CLIC5: variants seen among roughly 807,000 people sequenced by gnomAD.
CLIC5 encodes the protein chloride intracellular channel protein 5.
CLIC5 carries 20 observed loss-of-function variants against 24.7 expected under a neutral mutation model. The ratio of observed to expected loss-of-function variants is 0.81; its 90% CI spans 0.57 to 1.18. The LOEUF (loss-of-function observed/expected upper bound fraction) is 1.18. CLIC5 is among the 50% of genes most tolerant of loss of function. CLIC5 has a pLI of 0.00. For missense variants in CLIC5, 341 were observed against 326.1 expected (o/e 1.05, Z -0.35); for synonymous variants, 159 against 135.6 (o/e 1.17, Z -1.20).
chr6:45,921,904 G>C (rs1763276961), intron 4 of CLIC5, among the ~76,000 whole-genome samples: 1 of 152,236 alleles, frequency 6.6e-6, no homozygotes, highest in Non-Finnish European at 1.5e-5. Context: ...CATAGCCAGA[G>C]AGGAGGATGT....
intron 1 of CLIC5, among the ~76,000 whole-genome samples, chr6:46,031,532 G>A (rs1767497634): frequency 6.6e-6 from 1 of 152,114 alleles, no homozygotes; most frequent in African/African-American, 2.4e-5. Flanking sequence ...TTGTGGGTAA[G>A]TCTGCAATGT....
At chr6:46,015,878 C>T, upstream of CLIC5, 1 of 1,055,074 alleles carries the variant, frequency 9.5e-7, no homozygotes, top group East Asian at 6.8e-5. Flanking sequence ...CCGCCGCCAA[C>T]GCGCCCAAAA....
At chr6:46,072,777 C>T (rs774828212) in intron 1 of CLIC5, among the ~76,000 whole-genome samples, 6 of 152,124 alleles carry the variant, frequency 3.9e-5, no homozygotes, top group Admixed American at 6.5e-5. Context: ...CTACCCCTCC[C>T]ACATGGGCAC....
chr6:45,931,561 C>T (rs1186211085), intron 4 of CLIC5, among the ~76,000 whole-genome samples: 3 of 152,164 alleles, frequency 2.0e-5, no homozygotes, highest in African/African-American at 7.2e-5. Flanking sequence ...TCTTTAACAT[C>T]TGTGAAATCA....
At chr6:45,956,670 TG>T (rs1176527867) in intron 1 of CLIC5, among the ~76,000 whole-genome samples, 1 of 152,178 alleles carries the variant, frequency 6.6e-6, no homozygotes, top group Non-Finnish European at 1.5e-5. Context: ...AGGTTTATAA[TG>T]GAAAACTGGA....
At chr6:46,002,025 T>G (rs578177196) in intron 1 of CLIC5, among the ~76,000 whole-genome samples, 1 of 150,372 alleles carries the variant, frequency 6.7e-6, no homozygotes, top group African/African-American at 2.4e-5. Flanking sequence ...CACCAGGGAG[T>G]AAACTCAATC....
chr6:46,083,009 T>C (rs1393343362), upstream of CLIC5, among the ~76,000 whole-genome samples: 1 of 152,242 alleles, frequency 6.6e-6, no homozygotes, highest in African/African-American at 2.4e-5. Context: ...GAATACGTAT[T>C]TGTTGAATGA....
intron 1 of CLIC5, among the ~76,000 whole-genome samples, chr6:46,024,450 T>C (rs1189951626): frequency 1.3e-5 from 2 of 152,132 alleles, no homozygotes; most frequent in African/African-American, 2.4e-5. Flanking sequence ...GCTGGACTTA[T>C]AAAGAGACTA....
At chr6:45,906,171 G>A (rs750027404) in intron 5 of CLIC5, among the ~76,000 whole-genome samples, 7 of 152,070 alleles carry the variant, frequency 4.6e-5, no homozygotes, top group Admixed American at 6.6e-5. Flanking sequence ...TTCTTTTTGC[G>A]TAGGGTGGCT....
At chr6:45,965,776 T>C (rs75078218) in intron 1 of CLIC5, among the ~76,000 whole-genome samples, 2,438 of 152,332 alleles carry the variant, frequency 0.016, 83 homozygotes, top group African/African-American at 0.056. Flanking sequence ...GTCAAAAGCT[T>C]TGCTTTCCTC....
intron 1 of CLIC5, among the ~76,000 whole-genome samples, chr6:46,039,370 A>G (rs1767744854): frequency 7.1e-6 from 1 of 141,742 alleles, no homozygotes; most frequent in African/African-American, 2.6e-5. Context: ...AATTTAGACC[A>G]TAATAAGAAC....
intron 1 of CLIC5, among the ~76,000 whole-genome samples, chr6:46,003,268 T>C (rs183897559): frequency 8.5e-5 from 13 of 152,348 alleles, no homozygotes; most frequent in African/African-American, 3.1e-4. Context: ...CAAAGAGGAC[T>C]GAGGTGTGAA....
intron 4 of CLIC5, among the ~76,000 whole-genome samples, chr6:45,919,520 C>G (rs1045140488): frequency 6.6e-6 from 1 of 152,072 alleles, no homozygotes; most frequent in Non-Finnish European, 1.5e-5. Context: ...TTCTTCATCC[C>G]CAACTCCCCT....
chr6:46,095,727 A>T, the CLIC5 span, among the ~76,000 whole-genome samples: 37 of 152,328 alleles, frequency 2.4e-4, no homozygotes, highest in East Asian at 6.8e-3. Context: ...ACAATACTCT[A>T]GGAAGTCCCA....
the CLIC5 span, among the ~76,000 whole-genome samples, chr6:46,095,930 T>C: frequency 6.6e-6 from 1 of 152,254 alleles, no homozygotes; most frequent in Non-Finnish European, 1.5e-5. Context: ...TCTGTATTAG[T>C]CTGTTCTTGT....
At chr6:46,017,127 G>A (rs1767039361), upstream of CLIC5, among the ~76,000 whole-genome samples, 1 of 152,174 alleles carries the variant, frequency 6.6e-6, no homozygotes, top group South Asian at 2.1e-4. Context: ...GTTTTCTAAA[G>A]TGGTTGCACC....
At chr6:45,895,748 G>T (rs989155105), downstream of CLIC5, among the ~76,000 whole-genome samples, 1 of 152,162 alleles carries the variant, frequency 6.6e-6, no homozygotes, top group Non-Finnish European at 1.5e-5. Context: ...TTGGGGACAG[G>T]GTGGTAACAG....
rs186997802 is a variant in CLIC5 at position 45,990,496 on chromosome 6, C to T, written c.63+24984G>A. 3.4e-4 allele frequency among the ~76,000 whole-genome samples: 52 copies of T among 152,322 alleles called. 1 individual carries two copies. The highest frequency in any genetic ancestry group is 1.6e-3 in the Admixed American group (25 of 15,290). The stretch of plus-strand genomic sequence containing the variant: ...AGGATGGTGGGTTTCACATCTCACT[C>T]CCATCAACCATAAATGTGTAGCATC... On this transcript the variant is annotated intron_variant, in intron 1 of 5. Transcript: ENST00000339561.
chr6:45,907,858 A>G (rs1386992027), intron 5 of CLIC5, among the ~76,000 whole-genome samples: 1 of 152,176 alleles, frequency 6.6e-6, no homozygotes, highest in Non-Finnish European at 1.5e-5. Flanking sequence ...TAATCAGTAA[A>G]GAGAGAATTT....
Sources: allele counts gnomAD v4.1 joint callset (sites outside exome capture counted in the v4.1 genomes callset), GRCh38; gene constraint gnomAD v4.1.1; transcripts MANE v1.5; gene names NCBI Gene and HGNC (gene_info 2026-07-23, HGNC 2026-07-21).